Variants in TBC1D15 observed in about 807,000 individuals in gnomAD.
TBC1D15 encodes the protein TBC1 domain family member 15.
In TBC1D15, 39 loss-of-function variants were observed where a neutral mutation model predicts 95.4. That is an observed-to-expected ratio of 0.41 (90% CI 0.32 to 0.53). TBC1D15 has a LOEUF of 0.53. Among genes scored for constraint, TBC1D15 ranks in the 20% least tolerant of loss-of-function variants. TBC1D15 has a pLI of 0.29. For synonymous variants in TBC1D15, 258 were observed against 261.3 expected (o/e 0.99, Z 0.12); for missense variants, 733 against 794.3 (o/e 0.92, Z 0.93).
intron 1 of TBC1D15, among the ~76,000 whole-genome samples, chr12:71,871,367 T>C (rs1892641124): frequency 6.6e-6 from 1 of 152,196 alleles, no homozygotes; most frequent in Non-Finnish European, 1.5e-5. Context: ...TCATCACTGC[T>C]CTTTAAAATT....
chr12:71,859,738 G>A (rs925949846), intron 1 of TBC1D15, among the ~76,000 whole-genome samples: 1 of 152,060 alleles, frequency 6.6e-6, no homozygotes, highest in African/African-American at 2.4e-5. Flanking sequence ...CTCCCGAGTA[G>A]TTGGGATTAC....
intron 1 of TBC1D15, among the ~76,000 whole-genome samples, chr12:71,842,559 C>T (rs1347927977): frequency 6.6e-6 from 1 of 151,942 alleles, no homozygotes; most frequent in Middle Eastern, 3.2e-3. Context: ...AACCAGGTGC[C>T]GTGGCTCAGG....
intron 1 of TBC1D15, among the ~76,000 whole-genome samples, chr12:71,863,496 A>G (rs1361933835): frequency 6.6e-6 from 1 of 152,206 alleles, no homozygotes; most frequent in East Asian, 1.9e-4. Flanking sequence ...TTGGACTATA[A>G]TGTACCTTAA....
At chr12:71,891,306 A>G (rs1305908078) in intron 5 of TBC1D15, among the ~76,000 whole-genome samples, 1 of 152,196 alleles carries the variant, frequency 6.6e-6, no homozygotes, top group Non-Finnish European at 1.5e-5. Context: ...ATATGCTTCT[A>G]TAGTTGTGAT....
intron 11 of TBC1D15, among the ~76,000 whole-genome samples, chr12:71,908,603 G>A (rs762000424): frequency 1.1e-4 from 17 of 152,250 alleles, no homozygotes; most frequent in Non-Finnish European, 1.9e-4. Flanking sequence ...CAGCCTCTTT[G>A]GTGACAGTAA....
chr12:71,899,181 T>C (rs1285637333), intron 10 of TBC1D15, among the ~76,000 whole-genome samples: 2 of 152,204 alleles, frequency 1.3e-5, no homozygotes, highest in Non-Finnish European at 1.5e-5. Flanking sequence ...GGATCAATGT[T>C]GATGTCTCTG....
rs184879903 is a variant in TBC1D15, at chr12:71,899,688, T to C, written c.1183+1747T>C. Reference sequence around the variant, plus strand: ...AAGGAAGAGTATTTTATTTATATTTTAAAATCATTTTTACTGCTTTGTGGA... The same window carrying C: ...AAGGAAGAGTATTTTATTTATATTTCAAAATCATTTTTACTGCTTTGTGGA... On this transcript the variant is annotated intron_variant, in intron 10 of 16. Coordinates refer to ENST00000485960, the MANE Select transcript of TBC1D15 (RefSeq NM_001146213.3). 8.9e-4 allele frequency among the ~76,000 whole-genome samples: 135 copies of C among 152,338 alleles called. 1 individual carries two copies. Among genetic ancestry groups the C allele is most frequent in the Admixed American group, 2.7e-3 (41 of 15,300 alleles).
chr12:71,894,130 A>G lies in TBC1D15; in HGVS notation c.658-556A>G, dbSNP rs1897724932. Among the ~76,000 whole-genome samples the G allele has an allele frequency of 3.3e-5, 5 of 152,180 alleles. No individual in the cohort carries two copies. In the South Asian group the frequency reaches 6.2e-4, roughly 19 times the overall value. On this transcript the variant is annotated intron_variant, in intron 6 of 16. Coordinates refer to ENST00000485960, the MANE Select transcript of TBC1D15 (RefSeq NM_001146213.3). ...AAGTTACCCTGGCACTTAACAGTAG[A>G]AAAACCTTTTGCTGTTTTCCAGGGT...
intron 1 of TBC1D15, among the ~76,000 whole-genome samples, chr12:71,859,296 A>G (rs545162387): frequency 6.7e-6 from 1 of 150,272 alleles, no homozygotes; most frequent in Non-Finnish European, 1.5e-5. Flanking sequence ...AAATTGGAGT[A>G]TTTTTTTTTC....
At chr12:71,876,597 C>T (rs1394459581) in intron 3 of TBC1D15, among the ~76,000 whole-genome samples, 1 of 152,066 alleles carries the variant, frequency 6.6e-6, no homozygotes, top group East Asian at 1.9e-4. Flanking sequence ...TTTTGTATCC[C>T]ATGCCAACCT....
intron 12 of TBC1D15, 32 bp from the exon 13 acceptor site, chr12:71,917,659 TTATTAAA>T: frequency 7.5e-7 from 1 of 1,341,712 alleles, no homozygotes; most frequent in Non-Finnish European, 1.1e-6. Context: ...TATAAAATAT[TTATTAAA>T]TATTACTTGT....
chr12:71,914,608 A>G (rs1903234747), intron 12 of TBC1D15, among the ~76,000 whole-genome samples: 1 of 152,004 alleles, frequency 6.6e-6, no homozygotes, highest in African/African-American at 2.4e-5. Flanking sequence ...GAGACTAGAT[A>G]AAGGCAGATG....
chr12:71,914,479 C>G (rs1468570492), intron 12 of TBC1D15, among the ~76,000 whole-genome samples: 1 of 151,916 alleles, frequency 6.6e-6, no homozygotes, highest in South Asian at 2.1e-4. Flanking sequence ...AACATTTTAT[C>G]TATTATCATT....
At chr12:71,911,245 C>G (rs1052709058) in intron 11 of TBC1D15, among the ~76,000 whole-genome samples, 2 of 152,070 alleles carry the variant, frequency 1.3e-5, no homozygotes, top group African/African-American at 2.4e-5. Context: ...ACTAGAAATA[C>G]CATTTGACCC....
chr12:71,863,851 A>C (rs1890903061), intron 1 of TBC1D15, among the ~76,000 whole-genome samples: 1 of 152,052 alleles, frequency 6.6e-6, no homozygotes, highest in Admixed American at 6.5e-5. Flanking sequence ...CCTCAGCTGC[A>C]GAATTTCTGC....
intron 1 of TBC1D15, among the ~76,000 whole-genome samples, chr12:71,841,905 T>A (rs1163327432): frequency 6.6e-6 from 1 of 152,216 alleles, no homozygotes; most frequent in South Asian, 2.1e-4. Flanking sequence ...ATGATACCTT[T>A]ATGCTTCCCT....
chr12:71,853,889 C>T (rs976831729), intron 1 of TBC1D15, among the ~76,000 whole-genome samples: 1 of 152,186 alleles, frequency 6.6e-6, no homozygotes, highest in Non-Finnish European at 1.5e-5. Context: ...TGTGAGCCTG[C>T]AGATAGTTTC....
chr12:71,855,943 T>TG lies in TBC1D15; in HGVS notation c.31-16118dup, dbSNP rs550308401. Among the ~76,000 whole-genome samples, 462 of 145,016 alleles carry TG rather than the reference T, an allele frequency of 3.2e-3. 1 individual carries two copies. Among genetic ancestry groups the TG allele is most frequent in the African/African-American group, 4.8e-3 (183 of 38,428 alleles). Reference sequence around the variant, plus strand: ...TCTTGTTATTGTATGTGGTTTTTTTTGGGGGGGGGTATCTTGTTCAAATTT... The same window carrying TG: ...TCTTGTTATTGTATGTGGTTTTTTTTGGGGGGGGGGTATCTTGTTCAAATTT... On this transcript the variant is annotated intron_variant, in intron 1 of 16. Transcript: ENST00000485960.
At chr12:71,849,677 C>T (rs1230407949) in intron 1 of TBC1D15, 9 of 557,748 alleles carry the variant, frequency 1.6e-5, no homozygotes, top group Non-Finnish European at 3.1e-5. Context: ...GCAACTCTAT[C>T]TCCTCTGCAT....
Sources: gnomAD v4.1 joint callset for allele counts (sites outside exome capture counted in the v4.1 genomes callset) on GRCh38, gnomAD v4.1.1 for gene constraint, MANE v1.5 for transcripts, NCBI Gene and HGNC (gene_info 2026-07-23, HGNC 2026-07-21) for gene names.